Variants in ENOX2 observed in about 807,000 individuals in gnomAD.
ENOX2 encodes ecto-NOX disulfide-thiol exchanger 2, also known as APK1 antigen.
In ENOX2, 36 loss-of-function variants were observed where a neutral mutation model predicts 45.0. The observed-to-expected ratio is 0.80, with a 90% confidence interval of 0.61 to 1.06. The LOEUF (loss-of-function observed/expected upper bound fraction) is 1.06. ENOX2 is among the 50% of genes least tolerant of loss of function. The pLI is 0.00. For missense variants in ENOX2, 423 were observed against 462.5 expected, an observed-to-expected ratio of 0.91 and a Z score of 0.78; for synonymous variants, 174 against 152.3, an observed-to-expected ratio of 1.14 and a Z score of -1.05.
rs1300493421 is a variant in ENOX2 at position 130,670,797 on chromosome X, A to G, written c.461-599T>C. ...TATAATTTGGGATCCTTAAAAAAAA[A>G]GATGTAGTGTGATTATAATATAGTA... On this transcript the variant is annotated intron_variant, in intron 6 of 14. Transcript: ENST00000394363. Among the ~76,000 whole-genome samples, 6 of 109,849 alleles carry G rather than the reference A, an allele frequency of 5.5e-5. No homozygotes were observed. The Admixed American group carries it at 5.9e-4, about 11-fold the overall frequency.
At chrX:130,681,263 T>G (rs1160956941) in intron 5 of ENOX2, among the ~76,000 whole-genome samples, 1 of 112,330 alleles carries the variant, frequency 8.9e-6, no homozygotes, top group Non-Finnish European at 1.9e-5. Context: ...ATTCTAGCCA[T>G]CACACTTCCA....
intron 3 of ENOX2, among the ~76,000 whole-genome samples, chrX:130,735,462 A>G (rs2038838265): frequency 8.9e-6 from 1 of 111,960 alleles, no homozygotes. Context: ...CAACCTACCC[A>G]TGAGGGAAGG....
intron 2 of ENOX2, among the ~76,000 whole-genome samples, chrX:130,849,093 GC>G (rs954188166): frequency 8.9e-6 from 1 of 112,416 alleles, no homozygotes; most frequent in African/African-American, 3.2e-5. Context: ...TACTTTTAAA[GC>G]CATCAGTCAA....
intron 7 of ENOX2, among the ~76,000 whole-genome samples, chrX:130,668,857 T>C (rs1216872091): frequency 8.9e-6 from 1 of 112,339 alleles, no homozygotes; most frequent in Admixed American, 9.4e-5. Context: ...ACCCATTAAA[T>C]TCATTTTTTT....
intron 10 of ENOX2, among the ~76,000 whole-genome samples, chrX:130,644,600 A>G (rs2036178409): frequency 8.9e-6 from 1 of 112,293 alleles, no homozygotes. Flanking sequence ...GACATGAAAG[A>G]AAATTAAATG....
intron 2 of ENOX2, among the ~76,000 whole-genome samples, chrX:130,888,000 A>G (rs2078935721): frequency 8.9e-6 from 1 of 112,071 alleles, no homozygotes; most frequent in African/African-American, 3.2e-5. Flanking sequence ...ATTAAATTCT[A>G]TTGAACATGA....
chrX:130,873,047 G>C (rs1603376205), intron 2 of ENOX2, among the ~76,000 whole-genome samples: 1 of 111,769 alleles, frequency 8.9e-6, no homozygotes, highest in Non-Finnish European at 1.9e-5. Flanking sequence ...TTGACAAATG[G>C]GATCTAATAA....
intron 3 of ENOX2, among the ~76,000 whole-genome samples, chrX:130,763,366 G>A (rs898935812): frequency 9.0e-6 from 1 of 111,397 alleles, no homozygotes; most frequent in Non-Finnish European, 1.9e-5. Context: ...AGTCTCCAAT[G>A]ACACTTTGCA....
intron 2 of ENOX2, among the ~76,000 whole-genome samples, chrX:130,791,486 T>C (rs1241089668): frequency 8.0e-5 from 9 of 112,129 alleles, no homozygotes; most frequent in Non-Finnish European, 1.3e-4. Flanking sequence ...GTAAAAGTGA[T>C]AGACATTCAG....
chrX:130,821,742 T>TAAAAAAAAAAAAAAA, intron 2 of ENOX2, among the ~76,000 whole-genome samples: 7 of 23,163 alleles, frequency 3.0e-4, no homozygotes, highest in East Asian at 1.2e-3. Context: ...ATAAATAAAT[T>TAAAAAAAAAAAAAAA]AAAAAAAAAA....
chrX:130,794,312 G>A (rs2077086335), intron 2 of ENOX2, among the ~76,000 whole-genome samples: 2 of 112,544 alleles, frequency 1.8e-5, no homozygotes, highest in Admixed American at 9.4e-5. Flanking sequence ...AGTTGTTCTA[G>A]TATTGAAATT....
intron 3 of ENOX2, among the ~76,000 whole-genome samples, chrX:130,729,203 T>A (rs981031943): frequency 8.9e-6 from 1 of 111,847 alleles, no homozygotes; most frequent in African/African-American, 3.2e-5. Context: ...CTGCAAGAGA[T>A]CAAATGTTTT....
chrX:130,876,689 A>G (rs945619138), intron 2 of ENOX2, among the ~76,000 whole-genome samples: 3 of 111,558 alleles, frequency 2.7e-5, no homozygotes, highest in Non-Finnish European at 3.8e-5. Flanking sequence ...CCAGCATTTG[A>G]AGGGCTACCA....
At chrX:130,644,285 CAAG>C (rs1030191583) in intron 10 of ENOX2, among the ~76,000 whole-genome samples, 2 of 111,678 alleles carry the variant, frequency 1.8e-5, no homozygotes, top group Admixed American at 9.4e-5. Context: ...GAAACTAAAA[CAAG>C]AAGAACAAAT....
chrX:130,798,141 C>G (rs962188133), intron 2 of ENOX2, among the ~76,000 whole-genome samples: 4 of 111,877 alleles, frequency 3.6e-5, no homozygotes, highest in Admixed American at 9.5e-5. Flanking sequence ...GGTGGCCAGG[C>G]ATGGTGGCTC....
rs1422165223 is a variant in ENOX2 at position 130,644,640 on chromosome X, AAAAGGCTACATACT to A, written c.1130-7244_1130-7231del. The stretch of plus-strand genomic sequence containing the variant: ...TTACTAAGTGAAAAAAGCCAATCTG[AAAAGGCTACATACT>A]ATAGGATTACAACTATATAATATTC... On this transcript the variant is annotated intron_variant, in intron 10 of 14. Transcript: ENST00000394363. Among the ~76,000 whole-genome samples the A allele has an allele frequency of 1.5e-4, 17 of 112,129 alleles. No homozygotes were observed. The East Asian group carries it at 4.7e-3, about 31-fold the overall frequency.
intron 3 of ENOX2, among the ~76,000 whole-genome samples, chrX:130,730,489 C>T (rs931292814): frequency 4.5e-5 from 5 of 112,014 alleles, no homozygotes; most frequent in Non-Finnish European, 9.4e-5. Flanking sequence ...CTGGTACTGA[C>T]AGGAGGAGAA....
At chrX:130,634,505 T>C (rs903288400) in intron 12 of ENOX2, among the ~76,000 whole-genome samples, 1 of 111,985 alleles carries the variant, frequency 8.9e-6, no homozygotes, top group Non-Finnish European at 1.9e-5. Flanking sequence ...GGTTTCTCTC[T>C]TCTTGGTATT....
intron 3 of ENOX2, among the ~76,000 whole-genome samples, chrX:130,729,137 A>G (rs917923775): frequency 3.6e-5 from 4 of 111,595 alleles, no homozygotes; most frequent in Non-Finnish European, 5.6e-5. Context: ...TGTACTCAAT[A>G]CCTCTATGAC....
Sources: gnomAD v4.1 joint callset for allele counts (sites outside exome capture counted in the v4.1 genomes callset) on GRCh38, gnomAD v4.1.1 for gene constraint, MANE v1.5 for transcripts, NCBI Gene and HGNC (gene_info 2026-07-23, HGNC 2026-07-21) for gene names.